FOXN3: variants seen among roughly 807,000 people sequenced by gnomAD.
FOXN3 encodes forkhead box protein N3.
In FOXN3, 7 loss-of-function variants were observed where a neutral mutation model predicts 38.4. That is an observed-to-expected ratio of 0.18 (90% CI 0.10 to 0.34). The LOEUF (loss-of-function observed/expected upper bound fraction) is 0.34, where lower values mean the gene tolerates loss of function less well. Ranked by LOEUF, FOXN3 falls within the 10% of genes least tolerant of loss-of-function variation. FOXN3 has a pLI of 1.00. For synonymous variants in FOXN3, 230 were observed against 242.2 expected, an observed-to-expected ratio of 0.95 and a Z score of 0.47; for missense variants, 456 against 613.4, an observed-to-expected ratio of 0.74 and a Z score of 2.71.
intron 4 of FOXN3, among the ~76,000 whole-genome samples, chr14:89,278,790 C>G (rs965238853): frequency 6.6e-6 from 1 of 152,054 alleles, no homozygotes; most frequent in African/African-American, 2.4e-5. Context: ...GAGGGATGTG[C>G]GTACATTTTT....
At chr14:89,377,980 G>C (rs753738007) in intron 2 of FOXN3, among the ~76,000 whole-genome samples, 1 of 152,234 alleles carries the variant, frequency 6.6e-6, no homozygotes, top group Admixed American at 6.5e-5. Context: ...AAGCCAAGAA[G>C]AGAGGCCTGC....
intron 5 of FOXN3, among the ~76,000 whole-genome samples, chr14:89,176,311 AAC>A (rs1887516873): frequency 1.3e-5 from 2 of 152,370 alleles, no homozygotes; most frequent in African/African-American, 2.4e-5. Context: ...CTATGTCAAT[AAC>A]AGTTTCAGAG....
Position 89,162,735 on chromosome 14 carries a change from G to T in FOXN3, c.1086C>A (p.Phe362Leu). The T allele has an allele frequency of 1.9e-6, 3 of 1,613,812 alleles. No homozygotes were observed. The highest frequency in any genetic ancestry group is 2.5e-6 in the Non-Finnish European group (3 of 1,179,828). ...QEGSEGSEGS[F>L]RSHESPSDTE... ...TGTCGCTGGGGCTCTCGTGGCTCCGGAAGCTCCCCTCGCTGCCCTCGCTGC... is the reference window on the plus strand; with the variant it reads ...TGTCGCTGGGGCTCTCGTGGCTCCGTAAGCTCCCCTCGCTGCCCTCGCTGC... Residue 362 changes from phenylalanine to leucine, a missense_variant, in exon 6 of 6, where the codon TTC becomes TTA. Physicochemically the swap from Phe to Leu is conservative, Grantham distance 22. Transcript: ENST00000557258. The surrounding 1 kb of genome is among the most constrained non-coding windows in gnomAD (Gnocchi z 7.2).
At chr14:89,582,264 A>G (rs989950020) in intron 1 of FOXN3, among the ~76,000 whole-genome samples, 2 of 152,138 alleles carry the variant, frequency 1.3e-5, no homozygotes, top group Non-Finnish European at 2.9e-5. Context: ...GTAACACATC[A>G]GACGCCCCAA....
At chr14:89,457,858 G>GA (rs1282589186) in intron 1 of FOXN3, among the ~76,000 whole-genome samples, 3 of 151,680 alleles carry the variant, frequency 2.0e-5, no homozygotes, top group Non-Finnish European at 4.4e-5. Flanking sequence ...ACTAAAAATA[G>GA]AAAAAATCAG....
intron 1 of FOXN3, among the ~76,000 whole-genome samples, chr14:89,458,673 A>G (rs947143190): frequency 6.6e-6 from 1 of 152,170 alleles, no homozygotes; most frequent in African/African-American, 2.4e-5. Flanking sequence ...TGATTACCAA[A>G]AAGCTATCCA....
At chr14:89,414,244 G>A (rs575708277) in intron 1 of FOXN3, among the ~76,000 whole-genome samples, 3 of 151,992 alleles carry the variant, frequency 2.0e-5, no homozygotes, top group African/African-American at 7.2e-5. Flanking sequence ...TTGAGCCCAG[G>A]AGGTTGAGGC....
chr14:89,417,780 C>G (rs1891793232), upstream of FOXN3: 1 of 454,688 alleles, frequency 2.2e-6, no homozygotes, highest in African/African-American at 2.0e-5. Context: ...TCCCAGCGAC[C>G]ACCTCGTGTC....
Position 89,521,478 on chromosome 14 carries a change from G to GA in FOXN3, c.-15+97549dup, listed in dbSNP as rs1894317606. On this transcript the variant is annotated intron_variant, in intron 1 of 6. Transcript: ENST00000345097. ...CTGTAAAACAGAGAAATAAAGACTG[G>GA]AAAAAATCAGAACTTTAGATACCTC... is the stretch of plus-strand genomic sequence containing the variant. Among the ~76,000 whole-genome samples the GA allele has an allele frequency of 2.0e-5, 3 of 151,936 alleles. No individual in the cohort carries two copies. The South Asian group carries it at 6.2e-4, about 32-fold the overall frequency.
chr14:89,211,972 T>G (rs1884107413), intron 4 of FOXN3, among the ~76,000 whole-genome samples: 1 of 152,172 alleles, frequency 6.6e-6, no homozygotes, highest in Non-Finnish European at 1.5e-5. Flanking sequence ...ATGATGGGAT[T>G]CGTGGCCCTA....
chr14:89,297,626 A>AC (rs915762063), intron 3 of FOXN3, among the ~76,000 whole-genome samples: 11 of 152,196 alleles, frequency 7.2e-5, no homozygotes, highest in African/African-American at 2.6e-4. Context: ...CTGGATATAT[A>AC]CCCAAAACAA....
chr14:89,378,998 T>C (rs1158154694), intron 2 of FOXN3, among the ~76,000 whole-genome samples: 2 of 152,238 alleles, frequency 1.3e-5, no homozygotes, highest in East Asian at 1.9e-4. Context: ...TGAGCCACTG[T>C]GCCTGGCTCA....
chr14:89,288,902 G>A (rs1277718921), intron 3 of FOXN3, among the ~76,000 whole-genome samples: 1 of 151,470 alleles, frequency 6.6e-6, no homozygotes, highest in East Asian at 1.9e-4. Context: ...AAAAAAACAT[G>A]GGGCCGGGTG....
intron 4 of FOXN3, among the ~76,000 whole-genome samples, chr14:89,239,343 A>G (rs902025000): frequency 6.6e-6 from 1 of 152,200 alleles, no homozygotes; most frequent in African/African-American, 2.4e-5. Context: ...CCAGAGAGAA[A>G]GATCTATTTT....
At chr14:89,387,108 A>C (rs1890810748) in intron 2 of FOXN3, among the ~76,000 whole-genome samples, 1 of 152,136 alleles carries the variant, frequency 6.6e-6, no homozygotes, top group Non-Finnish European at 1.5e-5. Context: ...AATACAAAAA[A>C]TTAGCCAGAT....
intron 2 of FOXN3, among the ~76,000 whole-genome samples, chr14:89,366,715 G>A (rs751703664): frequency 4.9e-4 from 75 of 152,284 alleles, no homozygotes; most frequent in South Asian, 2.5e-3. Context: ...GCAACTGGGC[G>A]CGCACTCCTT....
At chr14:89,387,345 G>A (rs563364343) in intron 2 of FOXN3, among the ~76,000 whole-genome samples, 27 of 151,490 alleles carry the variant, frequency 1.8e-4, no homozygotes, top group African/African-American at 5.1e-4. Flanking sequence ...GGAAATGACC[G>A]TCAGTATAAT....
At chr14:89,383,796 C>CT (rs1890721923) in intron 2 of FOXN3, among the ~76,000 whole-genome samples, 2 of 62,196 alleles carry the variant, frequency 3.2e-5, no homozygotes, top group Non-Finnish European at 3.2e-5. Flanking sequence ...TTTATGTATT[C>CT]ATTTTTTTTT....
intron 1 of FOXN3, among the ~76,000 whole-genome samples, chr14:89,611,805 CA>C (rs56373132): frequency 0.028 from 2,515 of 89,180 alleles, 16 homozygotes; most frequent in African/African-American, 0.1. Flanking sequence ...GACTCCGTCT[CA>C]AAAAAAAAAA....
Sources: gnomAD v4.1 joint callset for allele counts (sites outside exome capture counted in the v4.1 genomes callset) on GRCh38, gnomAD v4.1.1 for gene constraint, Gnocchi (gnomAD v3.1) non-coding constraint, MANE v1.5 for transcripts, NCBI Gene and HGNC (gene_info 2026-07-23, HGNC 2026-07-21) for gene names.